PDE4D: variants seen among roughly 807,000 people sequenced by gnomAD.
The protein encoded by PDE4D is phosphodiesterase 4D.
A neutral mutation model predicts 87.4 loss-of-function variants in PDE4D; 24 were observed. That is an observed-to-expected ratio of 0.27 (90% CI 0.20 to 0.39). PDE4D has a LOEUF of 0.39. Ranked by LOEUF, PDE4D falls within the 10% of genes least tolerant of loss-of-function variation. The probability of loss-of-function intolerance (pLI) is 1.00; values close to 1 mark genes in which losing one functional copy is unlikely to be tolerated. For synonymous variants in PDE4D, 384 were observed against 383.2 expected, an observed-to-expected ratio of 1.00 and a Z score of -0.02; for missense variants, 714 against 1,041.0, an observed-to-expected ratio of 0.69 and a Z score of 4.32.
intron 1 of PDE4D, among the ~76,000 whole-genome samples, chr5:59,223,880 A>G (rs1288093237): frequency 1.3e-5 from 2 of 152,106 alleles, no homozygotes; most frequent in African/African-American, 4.8e-5. Flanking sequence ...TTACAAGATT[A>G]CACAGCTAAA....
chr5:59,960,078 C>A (rs1203264294), intron 3 of PDE4D, among the ~76,000 whole-genome samples: 1 of 151,982 alleles, frequency 6.6e-6, no homozygotes, highest in Admixed American at 6.6e-5. Flanking sequence ...ATACAAGCAA[C>A]CAATAAACAT....
intron 3 of PDE4D, among the ~76,000 whole-genome samples, chr5:59,968,454 A>T (rs182487287): frequency 8.3e-4 from 126 of 152,218 alleles, no homozygotes; most frequent in African/African-American, 2.9e-3. Flanking sequence ...GGGATGCATT[A>T]AAAAATTACC....
At chr5:60,282,068 C>T (rs2149749343) in intron 1 of PDE4D, among the ~76,000 whole-genome samples, 1 of 151,760 alleles carries the variant, frequency 6.6e-6, no homozygotes, top group Non-Finnish European at 1.5e-5. Flanking sequence ...ATAGAAATAA[C>T]ATCGTTTTAA....
intron 1 of PDE4D, among the ~76,000 whole-genome samples, chr5:59,693,796 C>A (rs1751341509): frequency 6.6e-6 from 1 of 152,134 alleles, no homozygotes; most frequent in South Asian, 2.1e-4. Context: ...AACATTAGAT[C>A]TGTCAGTGAG....
chr5:60,407,516 C>T (rs1304307239), intron 1 of PDE4D, among the ~76,000 whole-genome samples: 2 of 133,524 alleles, frequency 1.5e-5, no homozygotes, highest in Non-Finnish European at 3.1e-5. Context: ...TGCAGTGGCA[C>T]GATCTCGGCT....
intron 1 of PDE4D, among the ~76,000 whole-genome samples, chr5:59,682,924 G>GT (rs1480386690): frequency 6.6e-6 from 1 of 152,122 alleles, no homozygotes; most frequent in Non-Finnish European, 1.5e-5. Context: ...CTCAGAAACT[G>GT]CTCCAGTTTA....
chr5:58,992,882 G>C (rs544946953), intron 7 of PDE4D, among the ~76,000 whole-genome samples: 2 of 152,246 alleles, frequency 1.3e-5, no homozygotes, highest in African/African-American at 4.8e-5. Context: ...TACAAGAGTT[G>C]TCCCAGGACA....
At chr5:60,311,627 G>A (rs1755049079) in intron 1 of PDE4D, among the ~76,000 whole-genome samples, 1 of 152,130 alleles carries the variant, frequency 6.6e-6, no homozygotes, top group Non-Finnish European at 1.5e-5. Flanking sequence ...TAAGTACATA[G>A]ATCACTGATA....
At chr5:59,334,088 T>A (rs1777208490) in intron 1 of PDE4D, among the ~76,000 whole-genome samples, 1 of 151,954 alleles carries the variant, frequency 6.6e-6, no homozygotes, top group South Asian at 2.1e-4. Flanking sequence ...AGTTTCCTCA[T>A]AAAAGGCATA....
intron 2 of PDE4D, among the ~76,000 whole-genome samples, chr5:60,136,077 T>G (rs1780019306): frequency 6.6e-6 from 1 of 152,176 alleles, no homozygotes; most frequent in Non-Finnish European, 1.5e-5. Context: ...CTTTCTTGTC[T>G]GAGCAATAAT....
intron 11 of PDE4D, among the ~76,000 whole-genome samples, chr5:58,980,805 A>AGT (rs145941562): frequency 3.3e-5 from 5 of 151,902 alleles, no homozygotes; most frequent in Non-Finnish European, 5.9e-5. Context: ...CATATGTATG[A>AGT]GTGTGTGTGT....
chr5:59,847,131 T>C (rs1357159391), intron 1 of PDE4D, among the ~76,000 whole-genome samples: 2 of 151,892 alleles, frequency 1.3e-5, no homozygotes, highest in South Asian at 2.1e-4. Context: ...GGAAAGACAA[T>C]TGAGCTGCCT....
intron 5 of PDE4D, among the ~76,000 whole-genome samples, chr5:59,175,422 A>C (rs1475006077): frequency 6.6e-6 from 1 of 151,804 alleles, no homozygotes; most frequent in Non-Finnish European, 1.5e-5. Context: ...ATAGGAAGAA[A>C]CACTTGGTGA....
intron 1 of PDE4D, among the ~76,000 whole-genome samples, chr5:59,478,041 G>T (rs867177122): frequency 6.6e-6 from 1 of 151,898 alleles, no homozygotes; most frequent in African/African-American, 2.4e-5. Flanking sequence ...CAGACTACTA[G>T]AAGGGGAAGG....
intron 1 of PDE4D, among the ~76,000 whole-genome samples, chr5:60,374,471 T>C (rs942161565): frequency 2.0e-5 from 3 of 152,222 alleles, no homozygotes; most frequent in Non-Finnish European, 4.4e-5. Flanking sequence ...CTCTAAGCCC[T>C]CAGCAAAGCT....
intron 2 of PDE4D, among the ~76,000 whole-genome samples, chr5:60,015,788 C>T (rs943784603): frequency 1.3e-5 from 2 of 152,050 alleles, no homozygotes; most frequent in Non-Finnish European, 2.9e-5. Flanking sequence ...AGTTGATAGC[C>T]TTCGGATTTG....
At chr5:59,350,002 G>A (rs1421384669) in intron 1 of PDE4D, among the ~76,000 whole-genome samples, 2 of 152,036 alleles carry the variant, frequency 1.3e-5, no homozygotes, top group Non-Finnish European at 2.9e-5. Context: ...TGTTTGAGAT[G>A]GGGCTTTCCT....
chr5:60,350,402 T>G (rs1292040631), intron 1 of PDE4D, among the ~76,000 whole-genome samples: 1 of 152,168 alleles, frequency 6.6e-6, no homozygotes, highest in Non-Finnish European at 1.5e-5. Context: ...CTAGGAGTTC[T>G]CCACATACTC....
intron 2 of PDE4D, among the ~76,000 whole-genome samples, chr5:60,180,139 G>A (rs549279668): frequency 6.6e-6 from 1 of 152,272 alleles, no homozygotes; most frequent in East Asian, 1.9e-4. Context: ...CTTTTTCCAA[G>A]ATGACAATTT....
Sources: allele counts gnomAD v4.1 joint callset (sites outside exome capture counted in the v4.1 genomes callset), GRCh38; gene constraint gnomAD v4.1.1; transcripts MANE v1.5; gene names NCBI Gene and HGNC (gene_info 2026-07-23, HGNC 2026-07-21).